The following WWOX variants were observed in gnomAD, a reference collection of about 807,000 sequenced individuals.
WWOX encodes the protein WW domain containing oxidoreductase, also known as WW domain-containing oxidoreductase.
In WWOX, 69 loss-of-function variants were observed where a neutral mutation model predicts 46.2. The observed-to-expected ratio is 1.49, with a 90% CI of 1.23 to 1.82. The LOEUF (loss-of-function observed/expected upper bound fraction) is 1.82. WWOX is among the 40% of genes most tolerant of loss of function. WWOX has a pLI of 0.00. For synonymous variants in WWOX, 359 were observed against 202.6 expected (o/e 1.77, Z -6.56); for missense variants, 919 against 542.6 (o/e 1.69, Z -6.89).
intron 8 of WWOX, among the ~76,000 whole-genome samples, chr16:78,450,127 T>C (rs368498980): frequency 1.3e-5 from 2 of 152,330 alleles, no homozygotes; most frequent in Admixed American, 1.3e-4. Context: ...AAGCCAACCA[T>C]GTTAAAAATG....
intron 5 of WWOX, among the ~76,000 whole-genome samples, chr16:78,326,740 CTTAA>C (rs1429687469): frequency 1.1e-4 from 17 of 151,938 alleles, no homozygotes; most frequent in African/African-American, 3.9e-4. Flanking sequence ...CTGACATGGA[CTTAA>C]TTGTTTCATT....
intron 8 of WWOX, among the ~76,000 whole-genome samples, chr16:79,161,978 A>G (rs1233696049): frequency 1.3e-5 from 2 of 152,236 alleles, no homozygotes; most frequent in Admixed American, 1.3e-4. Context: ...AGAGTGTCTC[A>G]GTAAATTGGC....
At chr16:78,513,430 C>G (rs1308326485) in intron 8 of WWOX, among the ~76,000 whole-genome samples, 1 of 152,160 alleles carries the variant, frequency 6.6e-6, no homozygotes, top group Non-Finnish European at 1.5e-5. Flanking sequence ...CTAGGAATCA[C>G]TGGAAAATGA....
At chr16:78,120,028 C>A (rs1444948646) in intron 4 of WWOX, among the ~76,000 whole-genome samples, 1 of 151,978 alleles carries the variant, frequency 6.6e-6, no homozygotes, top group East Asian at 1.9e-4. Flanking sequence ...TTAACAGAAA[C>A]AAAACTTTTT....
chr16:78,216,016 T>TTG (rs1567434076), intron 5 of WWOX, among the ~76,000 whole-genome samples: 2 of 151,922 alleles, frequency 1.3e-5, no homozygotes, highest in Admixed American at 1.3e-4. Context: ...AACTGGCTCC[T>TTG]GGCAGGACAG....
intron 8 of WWOX, among the ~76,000 whole-genome samples, chr16:78,971,142 C>G (rs1240592708): frequency 6.6e-6 from 1 of 151,848 alleles, no homozygotes; most frequent in Non-Finnish European, 1.5e-5. Flanking sequence ...TGCTTTATTC[C>G]TGAGCAATCG....
chr16:78,463,958 G>T (rs565931619), intron 8 of WWOX, among the ~76,000 whole-genome samples: 1 of 152,122 alleles, frequency 6.6e-6, no homozygotes, highest in Admixed American at 6.6e-5. Context: ...CATTAAGTGA[G>T]TCTTTCTCCA....
At chr16:79,126,041 G>A (rs112655415) in intron 8 of WWOX, among the ~76,000 whole-genome samples, 1,913 of 152,230 alleles carry the variant, frequency 0.013, 36 homozygotes, top group African/African-American at 0.042. Context: ...GGATAAACAT[G>A]TACAAAATTA....
At chr16:78,755,678 C>G (rs1387341402) in intron 8 of WWOX, among the ~76,000 whole-genome samples, 2 of 152,176 alleles carry the variant, frequency 1.3e-5, no homozygotes, top group East Asian at 1.9e-4. Context: ...CCTCAGGACC[C>G]TGCACCAGGG....
At chr16:78,351,751 G>T (rs1305877714) in intron 5 of WWOX, among the ~76,000 whole-genome samples, 1 of 152,154 alleles carries the variant, frequency 6.6e-6, no homozygotes, top group African/African-American at 2.4e-5. Flanking sequence ...CTGCCTCCCA[G>T]GTTCAAGCGA....
chr16:78,903,468 C>T (rs1008338022), intron 8 of WWOX, among the ~76,000 whole-genome samples: 1 of 152,186 alleles, frequency 6.6e-6, no homozygotes. Context: ...CCTATGCAAA[C>T]GTCTGATTGG....
At chr16:79,121,879 G>A (rs2049639702) in intron 8 of WWOX, among the ~76,000 whole-genome samples, 1 of 152,100 alleles carries the variant, frequency 6.6e-6, no homozygotes, top group African/African-American at 2.4e-5. Context: ...AAAAGAGGTC[G>A]TGTGTGTGTT....
chr16:78,801,235 C>T (rs1190538978), intron 8 of WWOX, among the ~76,000 whole-genome samples: 2 of 152,098 alleles, frequency 1.3e-5, no homozygotes, highest in African/African-American at 2.4e-5. Context: ...TTGTGGTGGG[C>T]ATGGTGGCTC....
At chr16:78,355,304 T>C (rs1339922096) in intron 5 of WWOX, among the ~76,000 whole-genome samples, 1 of 151,994 alleles carries the variant, frequency 6.6e-6, no homozygotes, top group Non-Finnish European at 1.5e-5. Context: ...TGTGTATAGA[T>C]AAAAATGCGT....
intron 4 of WWOX, among the ~76,000 whole-genome samples, chr16:78,160,076 C>G (rs2069317068): frequency 6.6e-6 from 1 of 151,904 alleles, no homozygotes; most frequent in African/African-American, 2.4e-5. Context: ...TTTCTCCTTT[C>G]TCCTTTTATT....
At position 78,712,527 on chromosome 16, in the gene WWOX, T is replaced by C. The variant is rs184162440; in HGVS notation, c.1056+279775T>C. Among the ~76,000 whole-genome samples the C allele has an allele frequency of 1.8e-3, 274 of 152,004 alleles. 3 individuals are homozygous for C. The highest frequency in any genetic ancestry group is 6.3e-3 in the African/African-American group (260 of 41,494). On this transcript the variant is annotated intron_variant, in intron 8 of 8. Coordinates refer to ENST00000566780, the MANE Select transcript of WWOX (RefSeq NM_016373.4). Reference sequence around the variant, plus strand: ...AAAAAAAAAAAAAGTCTTATATTGATTAAAAGAGACTTAAGACACATAGTA... The same window carrying C: ...AAAAAAAAAAAAAGTCTTATATTGACTAAAAGAGACTTAAGACACATAGTA...
chr16:78,599,814 C>G (rs2045578730), intron 8 of WWOX, among the ~76,000 whole-genome samples: 1 of 152,012 alleles, frequency 6.6e-6, no homozygotes, highest in Admixed American at 6.6e-5. Flanking sequence ...TTGCCAAAAC[C>G]TCTGGGATTG....
At chr16:78,685,206 C>G (rs1022514856) in intron 8 of WWOX, among the ~76,000 whole-genome samples, 2 of 152,162 alleles carry the variant, frequency 1.3e-5, no homozygotes, top group Non-Finnish European at 2.9e-5. Context: ...TCTTGTCCAC[C>G]CTCAGCCAGG....
chr16:78,103,841 C>T (rs1006802197), intron 1 of WWOX, among the ~76,000 whole-genome samples: 2 of 151,956 alleles, frequency 1.3e-5, no homozygotes, highest in Admixed American at 6.6e-5. Context: ...TGGTGGAACC[C>T]GGTCTTGTGT....
Sources: allele counts gnomAD v4.1 joint callset (sites outside exome capture counted in the v4.1 genomes callset), GRCh38; gene constraint gnomAD v4.1.1; transcripts MANE v1.5; gene names NCBI Gene and HGNC (gene_info 2026-07-23, HGNC 2026-07-21).